DDHD1: variants seen among roughly 807,000 people sequenced by gnomAD.
DDHD1 encodes the protein phospholipase DDHD1.
Under a neutral mutation model 96.4 loss-of-function variants are expected in DDHD1, and 49 were observed. That is an observed-to-expected ratio of 0.51 (90% CI 0.40 to 0.64). The LOEUF (loss-of-function observed/expected upper bound fraction) is 0.64. Among genes scored for constraint, DDHD1 ranks in the 30% least tolerant of loss-of-function variants. The probability of loss-of-function intolerance (pLI) is 0.00; values close to 1 mark genes in which losing one functional copy is unlikely to be tolerated. For missense variants in DDHD1, 1,106 were observed against 1,161.2 expected (o/e 0.95, Z 0.69); for synonymous variants, 442 against 446.5 (o/e 0.99, Z 0.13).
At chr14:53,081,326 C>T (rs1885451571) in intron 4 of DDHD1, among the ~76,000 whole-genome samples, 4 of 152,268 alleles carry the variant, frequency 2.6e-5, no homozygotes, top group South Asian at 2.1e-4. Context: ...CAAGGAAGAA[C>T]ATATTTAAAA....
At chr14:53,130,024 G>A (rs1889748627) in intron 1 of DDHD1, among the ~76,000 whole-genome samples, 1 of 152,070 alleles carries the variant, frequency 6.6e-6, no homozygotes, top group African/African-American at 2.4e-5. Flanking sequence ...TGTTCCTTCA[G>A]TTTCCACCCC....
intron 4 of DDHD1, among the ~76,000 whole-genome samples, chr14:53,090,544 A>C (rs1886345861): frequency 6.6e-6 from 1 of 152,258 alleles, no homozygotes; most frequent in African/African-American, 2.4e-5. Context: ...TGACACAGCC[A>C]TAAAAAAGGA....
intron 1 of DDHD1, among the ~76,000 whole-genome samples, chr14:53,114,143 G>A (rs1001698976): frequency 1.5e-4 from 23 of 152,190 alleles, no homozygotes; most frequent in Non-Finnish European, 2.6e-4. Flanking sequence ...GGGGCAAAGC[G>A]GCTGTCACCA....
At position 53,041,850 on chromosome 14, in the gene DDHD1, A is replaced by C. The variant is rs1271847951; in HGVS notation, c.*4918T>G. 6.6e-6 allele frequency: 1 copy of C among 152,168 alleles called. No individual in the cohort carries two copies. Among genetic ancestry groups the C allele is most frequent in the African/African-American group, 2.4e-5 (1 of 41,428 alleles). The allele number at this position is 152,168 out of a possible 1,614,324, so 9.4% of individuals were successfully genotyped here. On this transcript the variant is annotated 3_prime_UTR_variant, in exon 13 of 13. Transcript: ENST00000673822. ...TCAGATTAAAGCTTGCTGATGCTTT[A>C]ATCTGAGCTTAAAGCATCAGATTAC... is the stretch of plus-strand genomic sequence containing the variant.
At chr14:53,137,272 A>G (rs1376637492) in intron 1 of DDHD1, among the ~76,000 whole-genome samples, 1 of 152,190 alleles carries the variant, frequency 6.6e-6, no homozygotes, top group Non-Finnish European at 1.5e-5. Context: ...AATAGAAACT[A>G]AAGTGAAATA....
intron 4 of DDHD1, among the ~76,000 whole-genome samples, chr14:53,076,402 T>C (rs1015767958): frequency 6.6e-5 from 10 of 152,168 alleles, no homozygotes; most frequent in African/African-American, 2.4e-4. Context: ...TGTGACTGAA[T>C]TGCTGCAATT....
Position 53,041,956 on chromosome 14 carries a change from G to A in DDHD1, c.*4812C>T, listed in dbSNP as rs1470505598. The A allele has an allele frequency of 1.3e-5, 2 of 152,158 alleles. No individual in the cohort carries two copies. Among genetic ancestry groups the A allele is most frequent in the Non-Finnish European group, 2.9e-5 (2 of 68,038 alleles). 9.4% of individuals were successfully genotyped at this position (152,158 alleles called of 1,614,324 possible). On this transcript the variant is annotated 3_prime_UTR_variant, in exon 13 of 13. Coordinates refer to ENST00000673822, the MANE Select transcript of DDHD1 (RefSeq NM_001160148.2). ...TGCCCTTTAGGAGTAGTTTCCTATCGATTAGGGGAAACAGTCTGGTATAAG... is the reference window on the plus strand; with the variant it reads ...TGCCCTTTAGGAGTAGTTTCCTATCAATTAGGGGAAACAGTCTGGTATAAG...
At chr14:53,089,352 G>C (rs981401372) in intron 4 of DDHD1, among the ~76,000 whole-genome samples, 2 of 152,106 alleles carry the variant, frequency 1.3e-5, no homozygotes, top group African/African-American at 2.4e-5. Flanking sequence ...AGCTCACATA[G>C]CCAAGACAAT....
chr14:53,080,440 T>C (rs1253024081), intron 4 of DDHD1, among the ~76,000 whole-genome samples: 1 of 152,186 alleles, frequency 6.6e-6, no homozygotes, highest in Non-Finnish European at 1.5e-5. Context: ...CTTTAGCCCA[T>C]TTTCCTATAA....
At chr14:53,084,155 G>A (rs1208408154) in intron 4 of DDHD1, among the ~76,000 whole-genome samples, 1 of 152,120 alleles carries the variant, frequency 6.6e-6, no homozygotes, top group Non-Finnish European at 1.5e-5. Flanking sequence ...TTGGAAAAAA[G>A]GACTTATTCT....
At chr14:53,112,788 C>A (rs1309122009) in intron 1 of DDHD1, among the ~76,000 whole-genome samples, 2 of 152,062 alleles carry the variant, frequency 1.3e-5, no homozygotes, top group Admixed American at 6.5e-5. Flanking sequence ...TTTATTATTG[C>A]AAGACAATGG....
chr14:53,125,460 T>C (rs567093513), intron 1 of DDHD1, among the ~76,000 whole-genome samples: 96 of 152,334 alleles, frequency 6.3e-4, no homozygotes, highest in African/African-American at 2.2e-3. Context: ...GTTGTCTGAA[T>C]TTTCAGTGTT....
intron 1 of DDHD1, among the ~76,000 whole-genome samples, chr14:53,135,590 A>G (rs111823479): frequency 2.1e-3 from 319 of 152,330 alleles, no homozygotes; most frequent in African/African-American, 7.4e-3. Flanking sequence ...TGGCAGCCGC[A>G]TGATCTGTAT....
chr14:53,147,918 C>A (rs1891107119), intron 1 of DDHD1, among the ~76,000 whole-genome samples: 1 of 152,148 alleles, frequency 6.6e-6, no homozygotes, highest in South Asian at 2.1e-4. Context: ...CTGTGCCACA[C>A]AAAGGATTGT....
intron 1 of DDHD1, among the ~76,000 whole-genome samples, chr14:53,121,339 T>C (rs1888968746): frequency 6.6e-6 from 1 of 152,184 alleles, no homozygotes; most frequent in African/African-American, 2.4e-5. Context: ...GGTGGGAGTG[T>C]AAATTAGTTC....
chr14:53,100,601 C>T (rs963934687), intron 2 of DDHD1, among the ~76,000 whole-genome samples: 1 of 152,058 alleles, frequency 6.6e-6, no homozygotes, highest in African/African-American at 2.4e-5. Flanking sequence ...AACCAATCCC[C>T]CACAAATACC....
chr14:53,054,600 C>G lies in DDHD1; in HGVS notation c.2275G>C (p.Gly759Arg). ...GAASIGKGLG[G>R]MLFSRFGRSS... ...CGTCCAAATCTTGAGAACAACATTC[C>G]TCCAAGTCCCTTTCCAATGCTAGCA... The change falls in exon 11 of 13, where the codon GGA becomes CGA. Residue 759 changes from glycine to arginine, a missense_variant. Gly to Arg is a moderately radical substitution (Grantham distance 125). This residue lies in a region of DDHD1 where 650 missense variants were observed against 758.8 expected (regional missense o/e 0.86). Transcript: ENST00000673822. 1 of 1,613,962 alleles carries G rather than the reference C, an allele frequency of 6.2e-7. No individual in the cohort carries two copies. The highest frequency in any genetic ancestry group is 8.5e-7 in the Non-Finnish European group (1 of 1,179,916).
intron 8 of DDHD1, among the ~76,000 whole-genome samples, chr14:53,060,858 A>T (rs1197385737): frequency 6.6e-6 from 1 of 152,180 alleles, no homozygotes; most frequent in Non-Finnish European, 1.5e-5. Flanking sequence ...GCAAAATTAG[A>T]ACCTCCCTCT....
chr14:53,096,079 T>A, intron 2 of DDHD1: 1 of 936,048 alleles, frequency 1.1e-6, no homozygotes. Flanking sequence ...AAGCCAGGAA[T>A]ATAACTACAT....
Sources: gnomAD v4.1 joint callset for allele counts (sites outside exome capture counted in the v4.1 genomes callset) on GRCh38, gnomAD v4.1.1 for gene constraint, gnomAD v4.1.1 regional missense constraint, MANE v1.5 for transcripts, NCBI Gene and HGNC (gene_info 2026-07-23, HGNC 2026-07-21) for gene names.